NEK10: variants seen among roughly 807,000 people sequenced by gnomAD.
NEK10 encodes the protein NIMA related kinase 10.
Under a neutral mutation model 159.8 loss-of-function variants are expected in NEK10, and 122 were observed. The ratio of observed to expected loss-of-function variants is 0.76; its 90% confidence interval spans 0.66 to 0.89. The LOEUF (loss-of-function observed/expected upper bound fraction) is 0.89. Among genes scored for constraint, NEK10 ranks in the 40% least tolerant of loss-of-function variants. The pLI, the probability that NEK10 is intolerant of heterozygous loss-of-function variation, is 0.00. For missense variants in NEK10, 1,342 were observed against 1,323.1 expected, an observed-to-expected ratio of 1.01 and a Z score of -0.22; for synonymous variants, 466 against 457.1, an observed-to-expected ratio of 1.02 and a Z score of -0.25.
intron 32 of NEK10, among the ~76,000 whole-genome samples, chr3:27,120,756 T>C (rs1200934926): frequency 3.3e-5 from 5 of 152,344 alleles, no homozygotes; most frequent in South Asian, 4.1e-4. Context: ...GTTTCAATCA[T>C]TTAATGCCTT....
intron 1 of NEK10, among the ~76,000 whole-genome samples, chr3:27,364,815 AAC>A (rs1033009875): frequency 7.8e-4 from 119 of 152,344 alleles, no homozygotes; most frequent in African/African-American, 2.3e-3. Flanking sequence ...TAGTAATAAC[AAC>A]AGTCATAATA....
Position 27,108,856 on chromosome 3 carries a change from CT to C in NEK10, c.*2415del. Reference sequence around the variant, plus strand: ...ATGTGACTCTATGTACAAAATGGTGCTTTTGCCAGAGCCTGACTTTCTCTTA... The same window carrying C: ...ATGTGACTCTATGTACAAAATGGTGCTTTGCCAGAGCCTGACTTTCTCTTA... On this transcript the variant is annotated 3_prime_UTR_variant, in exon 36 of 36. Coordinates refer to ENST00000691995, the MANE Select transcript of NEK10 (RefSeq NM_001394966.1). Among the ~76,000 whole-genome samples the C allele has an allele frequency of 6.6e-6, 1 of 152,162 alleles. No homozygotes were observed.
chr3:27,170,540 T>C (rs577008624), intron 29 of NEK10, among the ~76,000 whole-genome samples: 1 of 152,280 alleles, frequency 6.6e-6, no homozygotes, highest in East Asian at 1.9e-4. Context: ...GATACCAGCC[T>C]GGCCAACATG....
At chr3:27,173,489 G>A (rs1199947103) in intron 28 of NEK10, among the ~76,000 whole-genome samples, 2 of 152,192 alleles carry the variant, frequency 1.3e-5, no homozygotes, top group Non-Finnish European at 2.9e-5. Flanking sequence ...GGGATCTACG[G>A]AGAAAATAGG....
chr3:27,234,874 G>T (rs1277174514), intron 23 of NEK10, among the ~76,000 whole-genome samples: 2 of 152,046 alleles, frequency 1.3e-5, no homozygotes, highest in Non-Finnish European at 2.9e-5. Flanking sequence ...ATACTACAGG[G>T]CTATAGTAAC....
chr3:27,144,089 C>T (rs1944050783), intron 30 of NEK10, among the ~76,000 whole-genome samples: 1 of 152,126 alleles, frequency 6.6e-6, no homozygotes, highest in Non-Finnish European at 1.5e-5. Context: ...TCCTCCTTTC[C>T]TCTCTTTCTC....
intron 1 of NEK10, among the ~76,000 whole-genome samples, chr3:27,368,318 CAT>C (rs559358172): frequency 9.9e-5 from 14 of 141,942 alleles, no homozygotes; most frequent in Admixed American, 1.3e-4. Context: ...AGAAGGACTC[CAT>C]ATATATATAT....
In NEK10 at chr3:27,210,477, A is replaced by G. The variant is rs9871000; in HGVS notation, c.2091-7920T>C. ...CTGCCACATGGGGAATTAAGTTTCA[A>G]CCTAAGTTTTGGATGGAACAAACTT... On this transcript the variant is annotated intron_variant, in intron 23 of 35. Coordinates refer to ENST00000691995, the MANE Select transcript of NEK10 (RefSeq NM_001394966.1). Among the ~76,000 whole-genome samples, 461 of 152,254 alleles carry G rather than the reference A, an allele frequency of 3.0e-3. 1 individual carries two copies. Among genetic ancestry groups the G allele is most frequent in the African/African-American group, 0.01 (429 of 41,540 alleles).
chr3:27,169,123 T>C (rs1055983889), intron 29 of NEK10, among the ~76,000 whole-genome samples: 2 of 152,240 alleles, frequency 1.3e-5, no homozygotes, highest in Non-Finnish European at 2.9e-5. Context: ...AGGGCCAAGA[T>C]ACCTACATTC....
intron 8 of NEK10, chr3:27,311,752 T>C (rs530727204): frequency 1.2e-5 from 3 of 249,964 alleles, no homozygotes; most frequent in East Asian, 1.1e-4. Flanking sequence ...TTCTATGAGG[T>C]AGGCAATCAT....
intron 23 of NEK10, among the ~76,000 whole-genome samples, chr3:27,220,814 G>A (rs1952019113): frequency 6.6e-6 from 1 of 152,078 alleles, no homozygotes; most frequent in African/African-American, 2.4e-5. Flanking sequence ...ACTGGCATAA[G>A]GATATGCATA....
At chr3:27,120,566 C>T (rs1467079668) in intron 32 of NEK10, among the ~76,000 whole-genome samples, 1 of 151,630 alleles carries the variant, frequency 6.6e-6, no homozygotes, top group African/African-American at 2.4e-5. Context: ...CTGACCTCAG[C>T]TGATCCACCC....
intron 22 of NEK10, among the ~76,000 whole-genome samples, chr3:27,269,367 C>A (rs908930208): frequency 6.6e-6 from 1 of 152,186 alleles, no homozygotes; most frequent in Non-Finnish European, 1.5e-5. Context: ...ATCTCTGCAG[C>A]AAACTTCACT....
intron 29 of NEK10, among the ~76,000 whole-genome samples, chr3:27,163,123 A>C (rs1057037980): frequency 1.3e-5 from 2 of 151,874 alleles, no homozygotes; most frequent in South Asian, 2.1e-4. Flanking sequence ...AACAAAAAAA[A>C]CCTTATACCT....
intron 33 of NEK10, among the ~76,000 whole-genome samples, chr3:27,117,862 T>C (rs1940704407): frequency 1.3e-5 from 2 of 152,218 alleles, no homozygotes; most frequent in South Asian, 4.1e-4. Context: ...TTATAATTGC[T>C]TTTGGCATTT....
At chr3:27,362,180 C>T (rs369834195) in intron 1 of NEK10, among the ~76,000 whole-genome samples, 2 of 152,186 alleles carry the variant, frequency 1.3e-5, no homozygotes, top group Admixed American at 6.5e-5. Context: ...GGGTGAACAA[C>T]GGGCCTGGCC....
chr3:27,236,984 C>A (rs1953991962), intron 23 of NEK10, among the ~76,000 whole-genome samples: 1 of 152,110 alleles, frequency 6.6e-6, no homozygotes, highest in Non-Finnish European at 1.5e-5. Context: ...CCGCATAAGA[C>A]AGACACTCCC....
intron 35 of NEK10, among the ~76,000 whole-genome samples, chr3:27,111,953 G>A (rs914430046): frequency 5.3e-5 from 8 of 152,288 alleles, no homozygotes; most frequent in Admixed American, 1.3e-4. Flanking sequence ...GAAGAGCTAT[G>A]AGGCTGGCCA....
intron 29 of NEK10, among the ~76,000 whole-genome samples, chr3:27,165,246 C>T (rs186798336): frequency 3.3e-5 from 5 of 152,162 alleles, no homozygotes; most frequent in Admixed American, 2.6e-4. Flanking sequence ...TATCACTAAC[C>T]GCAAGAAAAT....
Sources: gnomAD v4.1 joint callset for allele counts (sites outside exome capture counted in the v4.1 genomes callset) on GRCh38, gnomAD v4.1.1 for gene constraint, MANE v1.5 for transcripts, NCBI Gene and HGNC (gene_info 2026-07-23, HGNC 2026-07-21) for gene names.